NRXN3: variants seen among roughly 807,000 people sequenced by gnomAD.
The protein encoded by NRXN3 is neurexin III.
In NRXN3, 32 loss-of-function variants were observed where a neutral mutation model predicts 137.6. The observed-to-expected ratio is 0.23, with a 90% CI of 0.18 to 0.31. The LOEUF is 0.31. NRXN3 is among the 10% of genes least tolerant of loss of function. The pLI is 1.00. For synonymous variants in NRXN3, 798 were observed against 784.5 expected (o/e 1.02, Z -0.29); for missense variants, 1,574 against 2,062.5 (o/e 0.76, Z 4.59).
At chr14:79,481,948 T>G (rs1431151899) in intron 16 of NRXN3, among the ~76,000 whole-genome samples, 5 of 152,080 alleles carry the variant, frequency 3.3e-5, no homozygotes, top group Non-Finnish European at 7.4e-5. Flanking sequence ...GTGGGGGACA[T>G]CTGATTGTCA....
chr14:79,760,472 G>A (rs1176603656), intron 19 of NRXN3, among the ~76,000 whole-genome samples: 8 of 145,464 alleles, frequency 5.5e-5, no homozygotes, highest in African/African-American at 2.6e-5. Context: ...TGTTTGGCCC[G>A]TGGTATTCTC....
intron 4 of NRXN3, among the ~76,000 whole-genome samples, chr14:78,508,788 A>G (rs1217298704): frequency 5.3e-5 from 8 of 152,170 alleles, no homozygotes; most frequent in African/African-American, 1.7e-4. Context: ...TTGTACAACA[A>G]TGTGAATGCA....
chr14:78,179,348 T>C (rs932949631), intron 1 of NRXN3, among the ~76,000 whole-genome samples: 1 of 152,098 alleles, frequency 6.6e-6, no homozygotes, highest in Admixed American at 6.5e-5. Context: ...GTTTTCTGAC[T>C]GAGAGGATGG....
At chr14:78,566,898 G>A in intron 4 of NRXN3, among the ~76,000 whole-genome samples, 1 of 152,198 alleles carries the variant, frequency 6.6e-6, no homozygotes, top group East Asian at 1.9e-4. Context: ...GCACCACAGT[G>A]TTTCCCTAGT....
At chr14:79,301,596 A>C (rs1341106015) in intron 15 of NRXN3, among the ~76,000 whole-genome samples, 3 of 152,062 alleles carry the variant, frequency 2.0e-5, no homozygotes, top group African/African-American at 7.2e-5. Flanking sequence ...ATTAGCTGCA[A>C]ATCAAACCCT....
intron 9 of NRXN3, among the ~76,000 whole-genome samples, chr14:78,809,843 A>G (rs2098899973): frequency 6.6e-6 from 1 of 152,196 alleles, no homozygotes; most frequent in African/African-American, 2.4e-5. Context: ...TTGGAATACT[A>G]ATACAAAAAT....
intron 4 of NRXN3, among the ~76,000 whole-genome samples, chr14:78,452,614 C>T (rs1382346250): frequency 6.6e-6 from 1 of 152,158 alleles, no homozygotes; most frequent in Non-Finnish European, 1.5e-5. Flanking sequence ...TTCAGAATGG[C>T]TGAAAATCTA....
chr14:78,322,478 T>G (rs760816332), intron 4 of NRXN3, among the ~76,000 whole-genome samples: 5 of 152,064 alleles, frequency 3.3e-5, no homozygotes, highest in Non-Finnish European at 7.3e-5. Flanking sequence ...CTTTGTTTTC[T>G]GATTGTCTCT....
At chr14:79,473,517 G>A (rs2096533081) in intron 16 of NRXN3, among the ~76,000 whole-genome samples, 1 of 152,118 alleles carries the variant, frequency 6.6e-6, no homozygotes, top group South Asian at 2.1e-4. Flanking sequence ...GTGGCTGTTA[G>A]CTTAGATTCA....
chr14:79,508,190 C>T (rs11849360), intron 16 of NRXN3, among the ~76,000 whole-genome samples: 23,480 of 151,770 alleles, frequency 0.15, 1,867 homozygotes, highest in Middle Eastern at 0.25. Context: ...TGGCTGCCAA[C>T]GGGAGTTAGT....
intron 16 of NRXN3, among the ~76,000 whole-genome samples, chr14:79,571,190 C>T (rs1037268635): frequency 7.9e-5 from 12 of 152,224 alleles, no homozygotes; most frequent in African/African-American, 2.2e-4. Context: ...ACTTTAGGTA[C>T]GCTGTGGCAT....
At chr14:79,562,572 C>A (rs533289709) in intron 16 of NRXN3, among the ~76,000 whole-genome samples, 71 of 152,250 alleles carry the variant, frequency 4.7e-4, no homozygotes, top group African/African-American at 1.7e-3. Flanking sequence ...TATCACTCTG[C>A]CAGTTTTACA....
At chr14:78,827,908 A>G (rs529444414) in intron 10 of NRXN3, among the ~76,000 whole-genome samples, 6 of 152,350 alleles carry the variant, frequency 3.9e-5, no homozygotes, top group Non-Finnish European at 8.8e-5. Flanking sequence ...AACAGCATAC[A>G]TAGTTGTATC....
At chr14:79,053,810 G>T (rs1171119292) in intron 15 of NRXN3, among the ~76,000 whole-genome samples, 1 of 152,000 alleles carries the variant, frequency 6.6e-6, no homozygotes, top group Non-Finnish European at 1.5e-5. Flanking sequence ...TGGTAGAGGT[G>T]GAGAGAAATA....
chr14:78,268,645 G>T (rs1184435248), intron 2 of NRXN3, among the ~76,000 whole-genome samples: 5 of 152,204 alleles, frequency 3.3e-5, no homozygotes, highest in Non-Finnish European at 5.9e-5. Context: ...TGGAGTCAGA[G>T]AAATCGGAGT....
At chr14:79,708,082 G>C (rs142134969) in intron 19 of NRXN3, among the ~76,000 whole-genome samples, 10 of 152,252 alleles carry the variant, frequency 6.6e-5, no homozygotes, top group African/African-American at 2.2e-4. Context: ...CTATGTAAAA[G>C]GTAGATTATA....
chr14:78,815,851 G>A lies in NRXN3; in HGVS notation c.2275+5507G>A, dbSNP rs548333168. 1.5e-3 allele frequency among the ~76,000 whole-genome samples: 233 copies of A among 152,110 alleles called. 1 individual carries two copies. Among genetic ancestry groups the A allele is most frequent in the African/African-American group, 5.6e-3 (232 of 41,472 alleles). Reference sequence around the variant, plus strand: ...CAAAGGAAATTGTAGAACCCTCTTTGGTATCCATTTTAAAAGTCAAGTAAT... The same window carrying A: ...CAAAGGAAATTGTAGAACCCTCTTTAGTATCCATTTTAAAAGTCAAGTAAT... On this transcript the variant is annotated intron_variant, in intron 10 of 20. Transcript: ENST00000335750.
chr14:79,172,730 T>C (rs1334933870), intron 15 of NRXN3, among the ~76,000 whole-genome samples: 2 of 152,218 alleles, frequency 1.3e-5, no homozygotes, highest in Non-Finnish European at 1.5e-5. Context: ...CCAGTGTTCT[T>C]AAAATTCCTA....
chr14:79,335,300 G>A (rs923590386), intron 15 of NRXN3, among the ~76,000 whole-genome samples: 4 of 152,066 alleles, frequency 2.6e-5, no homozygotes, highest in Non-Finnish European at 5.9e-5. Context: ...CTTGCACTGG[G>A]AGACTATTTT....
Sources: gnomAD v4.1 joint callset for allele counts (sites outside exome capture counted in the v4.1 genomes callset) on GRCh38, gnomAD v4.1.1 for gene constraint, MANE v1.5 for transcripts, NCBI Gene and HGNC (gene_info 2026-07-23, HGNC 2026-07-21) for gene names.